Variants in RAD51C observed in about 807,000 individuals in gnomAD.
The protein encoded by RAD51C is DNA repair protein RAD51 homolog 3.
Under a neutral mutation model 45.0 loss-of-function variants are expected in RAD51C, and 42 were observed. That is an observed-to-expected ratio of 0.93 (90% CI 0.73 to 1.21). The LOEUF is 1.21. Ranked by LOEUF, RAD51C falls within the 50% of genes most tolerant of loss-of-function variation. RAD51C has a pLI of 0.00. For synonymous variants in RAD51C, 172 were observed against 159.8 expected (o/e 1.08, Z -0.58); for missense variants, 474 against 452.2 (o/e 1.05, Z -0.44).
intron 7 of RAD51C, 37 bp from the exon 8 acceptor site, chr17:58,732,447 A>G (rs1598534671): frequency 4.5e-6 from 7 of 1,564,004 alleles, no homozygotes; most frequent in Non-Finnish European, 6.2e-6. Context: ...AATTAAGTTC[A>G]TGTGTTTGTA....
At chr17:58,728,303 AT>A (rs1423530193) in intron 7 of RAD51C, among the ~76,000 whole-genome samples, 1 of 151,792 alleles carries the variant, frequency 6.6e-6, no homozygotes, top group Non-Finnish European at 1.5e-5. Flanking sequence ...ATTTTAGGTT[AT>A]TTTAAAAGGA....
intron 5 of RAD51C, 35 bp from the exon 6 acceptor site, chr17:58,720,711 G>A (rs747123118): frequency 1.4e-5 from 21 of 1,515,404 alleles, no homozygotes; most frequent in Non-Finnish European, 1.9e-5. Flanking sequence ...TTTTCAAAGA[G>A]ACTCACCTAA....
rs1056468634 is a variant in RAD51C, at chr17:58,732,417, G to A, written c.966-67G>A. On this transcript the variant is annotated intron_variant, in intron 7 of 8. Coordinates refer to ENST00000337432, the MANE Select transcript of RAD51C (RefSeq NM_058216.3). ...ACCTATACATTTAAATAATGAGTTT[G>A]GTCATCTGAACTTTTAATTAATTAA... The A allele has an allele frequency of 2.4e-5, 31 of 1,302,344 alleles. No individual in the cohort carries two copies. In the African/African-American group the frequency reaches 4.2e-4, roughly 18 times the overall value. The allele number at this position is 1,302,344 out of a possible 1,614,324, so 80.7% of individuals were successfully genotyped here.
At chr17:58,724,590 T>C (rs2049049200) in intron 7 of RAD51C, among the ~76,000 whole-genome samples, 1 of 152,148 alleles carries the variant, frequency 6.6e-6, no homozygotes, top group South Asian at 2.1e-4. Flanking sequence ...TGTATTTTGC[T>C]GTCCAGCTTT....
In RAD51C at chr17:58,717,356, C is replaced by G. The variant is rs143942324; in HGVS notation, c.838-3390C>G. Among the ~76,000 whole-genome samples, 595 of 152,232 alleles carry G rather than the reference C, an allele frequency of 3.9e-3. 2 individuals carry two copies. Among genetic ancestry groups the G allele is most frequent in the Non-Finnish European group, 5.7e-3 (391 of 68,012 alleles). On this transcript the variant is annotated intron_variant, in intron 5 of 8. Coordinates refer to ENST00000337432, the MANE Select transcript of RAD51C (RefSeq NM_058216.3). The stretch of plus-strand genomic sequence containing the variant: ...AAGGCAGGAAGATTGTTTGAGTCCA[C>G]AACTTCAAGGCTGCAGTAAGCTATG...
chr17:58,724,007 G>A (rs753228148), intron 6 of RAD51C, 33 bp from the exon 7 acceptor site: 1 of 1,554,002 alleles, frequency 6.4e-7, no homozygotes. Context: ...AGTCAGTAAG[G>A]CCATATACAG....
At chr17:58,714,614 A>G (rs1005449923) in intron 5 of RAD51C, among the ~76,000 whole-genome samples, 2 of 152,026 alleles carry the variant, frequency 1.3e-5, no homozygotes, top group African/African-American at 2.4e-5. Context: ...GCGTGCCACC[A>G]TGCCCGGCTA....
chr17:58,730,481 C>A (rs1279790911), intron 7 of RAD51C, among the ~76,000 whole-genome samples: 2 of 152,120 alleles, frequency 1.3e-5, no homozygotes, highest in Admixed American at 6.5e-5. Flanking sequence ...CCAGCCTCAA[C>A]ATAGCTATTC....
chr17:58,722,180 T>C (rs1037780347), intron 6 of RAD51C, among the ~76,000 whole-genome samples: 3 of 152,292 alleles, frequency 2.0e-5, no homozygotes, highest in East Asian at 3.9e-4. Context: ...ACCAGGAAGT[T>C]GGGAAAGCAG....
intron 8 of RAD51C, among the ~76,000 whole-genome samples, chr17:58,733,594 C>T (rs2049530854): frequency 6.6e-6 from 1 of 152,182 alleles, no homozygotes. Context: ...AATGTTATTT[C>T]TGTGCGTGTG....
In RAD51C at chr17:58,703,201, C is replaced by G. The variant is rs200293302; in HGVS notation, c.577C>G (p.Arg193Gly). The G allele has an allele frequency of 6.2e-7, 1 of 1,611,692 alleles. No homozygotes were observed. The highest frequency in any genetic ancestry group is 8.5e-7 in the Non-Finnish European group (1 of 1,178,124). The change falls in exon 4 of 9, where the codon CGA becomes GGA. Residue 193 changes from arginine to glycine, a missense_variant. Transcript: ENST00000337432. ...AGAGTGTTTTGTTGTTTCAGAACAC[C>G]GAAAAGCTTTGGAGGATTTCACTCT... ...IAEKHKGEEHRKALEDFTLDN... is the reference protein window; with the variant it reads ...IAEKHKGEEHGKALEDFTLDN...
chr17:58,694,647 G>A lies in RAD51C; in HGVS notation c.146-284G>A, dbSNP rs1276072519. 7.8e-6 allele frequency: 3 copies of A among 386,336 alleles called. No homozygotes were observed. The East Asian group carries it at 1.8e-4, about 23-fold the overall frequency. 23.9% of individuals were successfully genotyped at this position (386,336 alleles called of 1,614,324 possible). A position where few individuals can be genotyped will look rare whatever the true frequency, so the allele number is the denominator to read the frequency against. ...GTGCCACCATGCCCGGCTAATTTTT[G>A]TATTTTTAGTAGAGACGGAGTTTCA... is the stretch of plus-strand genomic sequence containing the variant. On this transcript the variant is annotated intron_variant, in intron 1 of 8. Coordinates refer to ENST00000337432, the MANE Select transcript of RAD51C (RefSeq NM_058216.3).
At position 58,692,661 on chromosome 17, in the gene RAD51C, C is replaced by A. The variant is rs774685897; in HGVS notation, c.18C>A (p.Phe6Leu). The A allele has an allele frequency of 1.9e-6, 3 of 1,614,196 alleles. No individual in the cohort carries two copies. The highest frequency in any genetic ancestry group is 1.7e-5 in the Admixed American group (1 of 60,020). MRGKT[F>L]RFEMQRDLVS... is the part of the protein sequence containing the mutation. ...AGCCTGCGATGCGCGGGAAGACGTT[C>A]CGCTTTGAAATGCAGCGGGATTTGG... The change falls in exon 1 of 9, where the codon TTC becomes TTA. Residue 6 changes from phenylalanine to leucine, a missense_variant. By Grantham distance (22) the Phe-to-Leu change is conservative. Coordinates refer to ENST00000337432, the MANE Select transcript of RAD51C (RefSeq NM_058216.3).
rs876658609 is a variant in RAD51C, at chr17:58,734,123, G to T, written c.1032G>T (p.Gln344His). The T allele has an allele frequency of 6.2e-7, 1 of 1,612,554 alleles. No homozygotes were observed. Among genetic ancestry groups the T allele is most frequent in the Admixed American group, 1.7e-5 (1 of 59,874 alleles). The change falls in exon 9 of 9, where the codon CAG becomes CAT. Residue 344 changes from glutamine (Q) to histidine (H), a missense_variant. Transcript: ENST00000337432. ...ECTVLFQIKP[Q>H]GFRDTVVTSA... is the part of the protein sequence containing the mutation. ...ATATATTTTTTATCTTTCAGCCTCA[G>T]GGATTTAGAGATACTGTTGTTACTT...
Position 58,692,791 on chromosome 17 carries a change from A to G in RAD51C, c.145+3A>G, listed in dbSNP as rs536596205. Reference sequence around the variant, plus strand: ...GAAACCCTCCGAGCTTAGCAAAGGTAACGACTCCTGATGGCAAGCTGAGGC... The same window carrying G: ...GAAACCCTCCGAGCTTAGCAAAGGTGACGACTCCTGATGGCAAGCTGAGGC... On this transcript the variant is annotated splice_donor_region_variant and intron_variant, in intron 1 of 8. Coordinates refer to ENST00000337432, the MANE Select transcript of RAD51C (RefSeq NM_058216.3). 6.2e-7 allele frequency: 1 copy of G among 1,614,146 alleles called. No homozygotes were observed. Among genetic ancestry groups the G allele is most frequent in the South Asian group, 1.1e-5 (1 of 91,088 alleles).
At chr17:58,727,536 T>C (rs553250695) in intron 7 of RAD51C, among the ~76,000 whole-genome samples, 59 of 152,344 alleles carry the variant, frequency 3.9e-4, no homozygotes, top group Non-Finnish European at 6.3e-4. Flanking sequence ...TACTCCTTTT[T>C]TTAGGTAAAA....
At chr17:58,704,914 A>T (rs1388740347) in intron 4 of RAD51C, among the ~76,000 whole-genome samples, 1 of 149,234 alleles carries the variant, frequency 6.7e-6, no homozygotes, top group Non-Finnish European at 1.5e-5. Flanking sequence ...TAATTAATTA[A>T]TTTTTTTTTT....
At chr17:58,722,554 T>G (rs942208288) in intron 6 of RAD51C, among the ~76,000 whole-genome samples, 8 of 152,182 alleles carry the variant, frequency 5.3e-5, no homozygotes, top group Non-Finnish European at 1.2e-4. Flanking sequence ...TGTTCTAGAC[T>G]CCAATCCCAC....
chr17:58,724,120 A>G lies in RAD51C; in HGVS notation c.965+20A>G, dbSNP rs767702742. 6.3e-7 allele frequency: 1 copy of G among 1,584,364 alleles called. No homozygotes were observed. ...GCAAAGGTCAGTACAGAAACAAGTT[A>G]ATAACTCCGAATATTGGGTTAATTA... On this transcript the variant is annotated intron_variant, in intron 7 of 8. Transcript: ENST00000337432.
Sources: allele counts gnomAD v4.1 joint callset (sites outside exome capture counted in the v4.1 genomes callset), GRCh38; gene constraint gnomAD v4.1.1; transcripts MANE v1.5; gene names NCBI Gene and HGNC (gene_info 2026-07-23, HGNC 2026-07-21).